ZNF675: variants seen among roughly 807,000 people sequenced by gnomAD.
The protein encoded by ZNF675 is zinc finger protein 675.
In ZNF675, 36 loss-of-function variants were observed where a neutral mutation model predicts 56.1. The ratio of observed to expected loss-of-function variants is 0.64; its 90% CI spans 0.49 to 0.85. ZNF675 has a LOEUF of 0.85. Among genes scored for constraint, ZNF675 ranks in the 40% least tolerant of loss-of-function variants. ZNF675 has a pLI of 0.00. For missense variants in ZNF675, 663 were observed against 654.2 expected (o/e 1.01, Z -0.15); for synonymous variants, 200 against 218.9 (o/e 0.91, Z 0.76).
intron 1 of ZNF675, among the ~76,000 whole-genome samples, chr19:23,671,132 A>T (rs1968221795): frequency 6.6e-6 from 1 of 152,118 alleles, no homozygotes; most frequent in African/African-American, 2.4e-5. Flanking sequence ...GGAAGCCTTT[A>T]AAAAAATATA....
intron 3 of ZNF675, chr19:23,656,010 G>C (rs929824901): frequency 1.4e-5 from 2 of 144,782 alleles, no homozygotes; most frequent in African/African-American, 5.1e-5. Flanking sequence ...TGAGGTAAAA[G>C]GATCACTTGA....
chr19:23,669,388 C>T (rs1968199398), intron 1 of ZNF675, among the ~76,000 whole-genome samples: 2 of 152,040 alleles, frequency 1.3e-5, no homozygotes, highest in Admixed American at 1.3e-4. Context: ...CCCCACTCAA[C>T]TAGCTATGAA....
chr19:23,654,683 C>T lies in ZNF675; in HGVS notation c.250G>A (p.Glu84Lys). 6.5e-7 allele frequency: 1 copy of T among 1,544,494 alleles called. No homozygotes were observed. Among genetic ancestry groups the T allele is most frequent in the Non-Finnish European group, 8.7e-7 (1 of 1,147,460 alleles). Residue 84 changes from glutamate to lysine, a missense_variant, in exon 4 of 4, where the codon GAG becomes AAG. This residue lies in a region of ZNF675 where 617 missense variants were observed against 590.5 expected (regional missense o/e 1.04). Transcript: ENST00000359788. ...PPVMCSHFAQ[E>K]FWPEQNIKDS... ...TTTATGTTCTGCTCTGGCCAAAACT[C>T]TTGGGCAAAATGAGAACACATTACT... is the stretch of plus-strand genomic sequence containing the variant.
Position 23,664,218 on chromosome 19 carries a change from T to A in ZNF675, c.4-1060A>T, listed in dbSNP as rs74677475. On this transcript the variant is annotated intron_variant, in intron 1 of 3. Transcript: ENST00000359788. ...GTTTAACTGAAAAAAAGCCATTTTT[T>A]CCTTTCTCTGAAAATTCTTTTCACA... is the stretch of plus-strand genomic sequence containing the variant. 1.2e-3 allele frequency among the ~76,000 whole-genome samples: 179 copies of A among 152,298 alleles called. 1 individual carries two copies. The highest frequency in any genetic ancestry group is 3.6e-3 in the African/African-American group (150 of 41,558).
intron 3 of ZNF675, among the ~76,000 whole-genome samples, chr19:23,660,779 A>C (rs1009356055): frequency 2.0e-5 from 3 of 152,204 alleles, no homozygotes; most frequent in African/African-American, 7.2e-5. Context: ...CTATAGATTC[A>C]AGACTCCCTA....
At chr19:23,679,726 C>T (rs1968350642) in intron 1 of ZNF675, among the ~76,000 whole-genome samples, 1 of 151,242 alleles carries the variant, frequency 6.6e-6, no homozygotes, top group Non-Finnish European at 1.5e-5. Context: ...CCTACTTGCT[C>T]ATGCCTGTAA....
At chr19:23,657,523 C>A (rs1968004015) in intron 3 of ZNF675, among the ~76,000 whole-genome samples, 1 of 152,122 alleles carries the variant, frequency 6.6e-6, no homozygotes, top group South Asian at 2.1e-4. Context: ...TGGAGACCAG[C>A]CTGACCACAT....
In ZNF675 at chr19:23,654,202, G is replaced by C. The variant is rs755423350; in HGVS notation, c.731C>G (p.Thr244Ser). ...DRTFNQFSNL[T>S]EYKKDYAREK... ...TCGAGCATAATCTTTTTTATATTCA[G>C]TAAGGTTTGAGAATTGGTTAAAAGT... Residue 244 changes from threonine (T) to serine (S), a missense_variant, in exon 4 of 4, where the codon ACT becomes AGT. Transcript: ENST00000359788. 5 of 1,613,982 alleles carry C rather than the reference G, an allele frequency of 3.1e-6. No homozygotes were observed. Among genetic ancestry groups the C allele is most frequent in the Middle Eastern group, 1.7e-4 (1 of 6,060 alleles).
chr19:23,674,209 T>C (rs1968265246), intron 1 of ZNF675, among the ~76,000 whole-genome samples: 1 of 151,442 alleles, frequency 6.6e-6, no homozygotes, highest in Non-Finnish European at 1.5e-5. Context: ...ATCTCACAAA[T>C]AAAATAAAAT....
rs185349605 is a variant in ZNF675, at chr19:23,674,149, G to A, written c.4-10991C>T. ...ACCCGGGAGGCAGAGGTTGCAGTGA[G>A]CCGAGATCAAGCCATTGCACTCCAG... On this transcript the variant is annotated intron_variant, in intron 1 of 3. Transcript: ENST00000359788. Among the ~76,000 whole-genome samples the A allele has an allele frequency of 4.0e-3, 607 of 151,658 alleles. 17 individuals carry two copies. The highest frequency in any genetic ancestry group is 0.014 in the African/African-American group (578 of 41,046).
At chr19:23,663,311 T>C (rs1254169978) in intron 1 of ZNF675, among the ~76,000 whole-genome samples, 153 bp from the exon 2 acceptor site, 1 of 152,234 alleles carries the variant, frequency 6.6e-6, no homozygotes, top group Non-Finnish European at 1.5e-5. Flanking sequence ...CACAGAAATA[T>C]TTCCTAATGT....
chr19:23,657,466 C>T (rs1365951825), intron 3 of ZNF675, among the ~76,000 whole-genome samples: 1 of 152,170 alleles, frequency 6.6e-6, no homozygotes, highest in East Asian at 1.9e-4. Context: ...CTTGTAATCC[C>T]AGTACTTTGG....
In ZNF675 at chr19:23,687,155, G is replaced by A. The variant is rs1011766131; in HGVS notation, c.-122C>T. The A allele has an allele frequency of 6.5e-6, 8 of 1,223,826 alleles. No homozygotes were observed. The highest frequency in any genetic ancestry group is 2.0e-5 in the Admixed American group (1 of 50,988). The allele number at this position is 1,223,826 out of a possible 1,614,324, so 75.8% of individuals were successfully genotyped here. On this transcript the variant is annotated 5_prime_UTR_variant, in exon 1 of 4. Coordinates refer to ENST00000359788, the MANE Select transcript of ZNF675 (RefSeq NM_138330.3). ...CACAGAGCAATGAAAGCGAGACCTG[G>A]AGCTCCGGCTGCAGCGAGAGACAAA... is the stretch of plus-strand genomic sequence containing the variant.
chr19:23,653,404 C>A lies in ZNF675; in HGVS notation c.1529G>T (p.Cys510Phe), dbSNP rs773316351. 2 of 1,613,044 alleles carry A rather than the reference C, an allele frequency of 1.2e-6. No individual in the cohort carries two copies. The highest frequency in any genetic ancestry group is 4.5e-5 in the East Asian group (2 of 44,818). Residue 510 changes from cysteine to phenylalanine, a missense_variant, in exon 4 of 4, where the codon TGT becomes TTT. Physicochemically the swap from Cys to Phe is radical, Grantham distance 205. Around this residue, in one of 3 missense-constraint regions of ZNF675, gnomAD observed 617 missense variants for 590.5 expected, o/e 1.04. Transcript: ENST00000359788. ...RIHTGEKPYK[C>F]EECGKAFSRS... The stretch of plus-strand genomic sequence containing the variant: ...GCTAAAAGCTTTGCCACATTCTTCA[C>A]ATTTGTAGGGTTTCTCCCCAGTATG...
At chr19:23,677,633 G>T (rs949490842) in intron 1 of ZNF675, among the ~76,000 whole-genome samples, 3 of 146,724 alleles carry the variant, frequency 2.0e-5, no homozygotes, top group Non-Finnish European at 4.4e-5. Flanking sequence ...TTGAACCCAG[G>T]AGGTGGAGAT....
At chr19:23,665,631 T>A (rs1006877712) in intron 1 of ZNF675, among the ~76,000 whole-genome samples, 1 of 152,048 alleles carries the variant, frequency 6.6e-6, no homozygotes, top group South Asian at 2.1e-4. Context: ...GTAGCTGGGA[T>A]AACACAGGCG....
At chr19:23,658,955 A>ATACC (rs1397460860) in intron 3 of ZNF675, among the ~76,000 whole-genome samples, 454 of 8,924 alleles carry the variant, frequency 0.051, 18 homozygotes, top group East Asian at 0.51. Flanking sequence ...AGATCTCTAG[A>ATACC]GATCTATAGA....
chr19:23,680,619 T>C (rs1440388507), intron 1 of ZNF675, among the ~76,000 whole-genome samples: 1 of 151,096 alleles, frequency 6.6e-6, no homozygotes, highest in African/African-American at 2.5e-5. Context: ...TAGCCAGGTG[T>C]GGTGGGCGCC....
chr19:23,685,927 A>G (rs992647481), intron 1 of ZNF675, among the ~76,000 whole-genome samples: 2 of 152,162 alleles, frequency 1.3e-5, no homozygotes, highest in African/African-American at 2.4e-5. Flanking sequence ...GAGTGTGAAA[A>G]TAACTAAGTA....
Sources: allele counts gnomAD v4.1 joint callset (sites outside exome capture counted in the v4.1 genomes callset), GRCh38; gene constraint gnomAD v4.1.1; regional missense constraint gnomAD v4.1.1; transcripts MANE v1.5; gene names NCBI Gene and HGNC (gene_info 2026-07-23, HGNC 2026-07-21).